The following ZBTB20 variants were observed in gnomAD, a reference collection of about 807,000 sequenced individuals.
The protein encoded by ZBTB20 is zinc finger and BTB domain containing 20, also known as zinc finger and BTB domain-containing protein 20.
Under a neutral mutation model 56.9 loss-of-function variants are expected in ZBTB20, and 9 were observed. The ratio of observed to expected loss-of-function variants is 0.16; its 90% CI spans 0.10 to 0.28. The LOEUF (loss-of-function observed/expected upper bound fraction) is 0.28, where lower values mean the gene tolerates loss of function less well. ZBTB20 is among the 10% of genes least tolerant of loss of function. ZBTB20 has a pLI of 1.00. For synonymous variants in ZBTB20, 417 were observed against 420.7 expected (o/e 0.99, Z 0.11); for missense variants, 655 against 1,003.0 (o/e 0.65, Z 4.69).
chr3:114,998,051 G>A (rs889482610), intron 2 of ZBTB20, among the ~76,000 whole-genome samples: 5 of 151,682 alleles, frequency 3.3e-5, no homozygotes, highest in Admixed American at 6.6e-5. Flanking sequence ...ATAGTGAAAT[G>A]ATTACTACAG....
chr3:115,143,667 C>A (rs1437454493), intron 1 of ZBTB20, among the ~76,000 whole-genome samples: 1 of 152,008 alleles, frequency 6.6e-6, no homozygotes, highest in East Asian at 1.9e-4. Flanking sequence ...TAGTAACTTT[C>A]AAGACACAAG....
chr3:115,119,315 C>A (rs1472340470), intron 1 of ZBTB20, among the ~76,000 whole-genome samples: 1 of 152,128 alleles, frequency 6.6e-6, no homozygotes, highest in Non-Finnish European at 1.5e-5. Context: ...ACATTATTAA[C>A]CCTTTTGTAC....
intron 6 of ZBTB20, among the ~76,000 whole-genome samples, chr3:114,550,198 A>G (rs1025366536): frequency 3.3e-5 from 5 of 152,172 alleles, no homozygotes; most frequent in Admixed American, 2.6e-4. Context: ...TTGGCCTCCC[A>G]AAGTGCTGGA....
chr3:114,427,657 CTGTAA>C (rs1331577007), intron 7 of ZBTB20, among the ~76,000 whole-genome samples: 1 of 152,214 alleles, frequency 6.6e-6, no homozygotes, highest in Non-Finnish European at 1.5e-5. Flanking sequence ...CACATTTATA[CTGTAA>C]ATAGTCTCCA....
intron 7 of ZBTB20, among the ~76,000 whole-genome samples, chr3:114,441,457 A>G (rs2090918351): frequency 1.3e-5 from 2 of 152,242 alleles, no homozygotes; most frequent in Admixed American, 6.5e-5. Flanking sequence ...CCTGAAGGAA[A>G]CTGCACTATC....
intron 5 of ZBTB20, among the ~76,000 whole-genome samples, chr3:114,742,477 GT>G (rs1253078541): frequency 6.6e-6 from 1 of 152,098 alleles, no homozygotes; most frequent in Non-Finnish European, 1.5e-5. Context: ...CAGCTGATGT[GT>G]AGTAGATCCA....
chr3:114,805,006 T>A (rs1399181824), intron 4 of ZBTB20, among the ~76,000 whole-genome samples: 1 of 151,948 alleles, frequency 6.6e-6, no homozygotes, highest in African/African-American at 2.4e-5. Context: ...CAAACGATAA[T>A]TATCCTTTAA....
intron 4 of ZBTB20, among the ~76,000 whole-genome samples, chr3:114,850,584 G>A (rs572501301): frequency 6.6e-6 from 1 of 152,336 alleles, no homozygotes; most frequent in South Asian, 2.1e-4. Context: ...CTAAAGCACA[G>A]AGTGGTTAAG....
intron 7 of ZBTB20, among the ~76,000 whole-genome samples, chr3:114,407,356 TTG>T (rs2087436193): frequency 6.6e-6 from 1 of 152,196 alleles, no homozygotes; most frequent in Admixed American, 6.5e-5. Flanking sequence ...TGAGGTATTA[TTG>T]TGTAACACAG....
In ZBTB20 at chr3:114,501,710, C is replaced by CT. The variant is rs1375467962; in HGVS notation, c.-294-1320dup. Reference sequence around the variant, plus strand: ...CATTGTGCTTTGTTTTTTTTTCTTTCTTTTTTTTTTTTTTTTGAGATGAAC... The same window carrying CT: ...CATTGTGCTTTGTTTTTTTTTCTTTCTTTTTTTTTTTTTTTTTGAGATGAAC... On this transcript the variant is annotated intron_variant, in intron 6 of 11. Transcript: ENST00000675478. Among the ~76,000 whole-genome samples, 858 of 111,820 alleles carry CT rather than the reference C, an allele frequency of 7.7e-3. 7 individuals carry two copies. The highest frequency in any genetic ancestry group is 0.015 in the African/African-American group (475 of 30,848). The allele number at this position is 111,820 out of a possible 152,430, so 73.4% of individuals were successfully genotyped here.
intron 1 of ZBTB20, among the ~76,000 whole-genome samples, chr3:115,125,642 GA>G (rs1022856206): frequency 2.6e-5 from 4 of 152,138 alleles, no homozygotes; most frequent in Non-Finnish European, 5.9e-5. Flanking sequence ...AAGTTCAAGA[GA>G]TGTACAGTAT....
At position 114,414,120 on chromosome 3, in the gene ZBTB20, G is replaced by A. The variant is rs556093031; in HGVS notation, c.-254-25015C>T. Among the ~76,000 whole-genome samples the A allele has an allele frequency of 9.2e-5, 14 of 152,226 alleles. No individual in the cohort carries two copies. In the East Asian group the frequency reaches 2.3e-3, roughly 25 times the overall value. ...AACAAAAGAAGCAAACAGATCACGA[G>A]GAGGTAAAAGGCATGCTGCTATGGA... On this transcript the variant is annotated intron_variant, in intron 7 of 11. Coordinates refer to ENST00000675478, the MANE Select transcript of ZBTB20 (RefSeq NM_001348800.3).
chr3:114,912,871 C>T (rs1458827140), intron 3 of ZBTB20, among the ~76,000 whole-genome samples: 2 of 151,824 alleles, frequency 1.3e-5, no homozygotes, highest in Admixed American at 6.6e-5. Context: ...TTAAGTTTGT[C>T]TTTCTGTGCC....
chr3:114,830,342 T>C (rs2073776937), intron 4 of ZBTB20, among the ~76,000 whole-genome samples: 1 of 152,002 alleles, frequency 6.6e-6, no homozygotes, highest in Admixed American at 6.6e-5. Context: ...AATAAGTTGA[T>C]TTATAAAGCT....
chr3:114,564,914 A>G (rs1199027854), intron 6 of ZBTB20, among the ~76,000 whole-genome samples: 1 of 152,210 alleles, frequency 6.6e-6, no homozygotes, highest in Non-Finnish European at 1.5e-5. Flanking sequence ...CACGCCTTGC[A>G]TGGGTAAAGT....
chr3:115,107,088 A>G (rs2083744797), intron 1 of ZBTB20, among the ~76,000 whole-genome samples: 1 of 152,270 alleles, frequency 6.6e-6, no homozygotes, highest in Non-Finnish European at 1.5e-5. Flanking sequence ...AAATAGAAAA[A>G]GTAATCTTCA....
chr3:115,094,958 C>T (rs1180363128), intron 1 of ZBTB20, among the ~76,000 whole-genome samples: 1 of 151,912 alleles, frequency 6.6e-6, no homozygotes, highest in African/African-American at 2.4e-5. Flanking sequence ...CAACCTCATA[C>T]CATAATTTTA....
At chr3:114,864,568 A>C (rs1203230055) in intron 4 of ZBTB20, among the ~76,000 whole-genome samples, 1 of 152,068 alleles carries the variant, frequency 6.6e-6, no homozygotes, top group Admixed American at 6.6e-5. Flanking sequence ...TATAGCAAAG[A>C]GGACATTTCC....
intron 4 of ZBTB20, among the ~76,000 whole-genome samples, chr3:114,809,141 T>A (rs1168019357): frequency 2.0e-5 from 3 of 152,080 alleles, no homozygotes; most frequent in Non-Finnish European, 2.9e-5. Flanking sequence ...TTGACTATAA[T>A]GTGTCTATGT....
Sources: gnomAD v4.1 joint callset for allele counts (sites outside exome capture counted in the v4.1 genomes callset) on GRCh38, gnomAD v4.1.1 for gene constraint, MANE v1.5 for transcripts, NCBI Gene and HGNC (gene_info 2026-07-23, HGNC 2026-07-21) for gene names.